Variants in ITGB1BP2 observed in about 807,000 individuals in gnomAD.
The protein encoded by ITGB1BP2 is integrin beta-1-binding protein 2.
ITGB1BP2 carries 27 observed loss-of-function variants against 32.2 expected under a neutral mutation model. The ratio of observed to expected loss-of-function variants is 0.84; its 90% CI spans 0.62 to 1.16. ITGB1BP2 has a LOEUF of 1.16. ITGB1BP2 is among the 50% of genes most tolerant of loss of function. ITGB1BP2 has a pLI of 0.00. For missense variants in ITGB1BP2, 250 were observed against 267.3 expected, an observed-to-expected ratio of 0.94 and a Z score of 0.45; for synonymous variants, 105 against 94.7, an observed-to-expected ratio of 1.11 and a Z score of -0.63.
chrX:71,303,120 T>G, intron 4 of ITGB1BP2, 142 bp from the exon 5 acceptor site: 2 of 489,929 alleles, frequency 4.1e-6, no homozygotes, highest in Non-Finnish European at 6.9e-6. Flanking sequence ...AGATGAAAAT[T>G]GGCAATGGGG....
Position 71,302,277 on chromosome X carries a change from G to A in ITGB1BP2, c.115G>A (p.Gly39Ser). ...GCTGATCTGGGTCTCTTGTTATCAGGGTTGGTCCTGCTGCCGAAAGCGAAC... is the reference window on the plus strand; with the variant it reads ...GCTGATCTGGGTCTCTTGTTATCAGAGTTGGTCCTGCTGCCGAAAGCGAAC... ...GVPIFHDALKGWSCCRKRTVD... is the reference protein window; with the variant it reads ...GVPIFHDALKSWSCCRKRTVD... The change falls in exon 3 of 11, where the codon GGT (glycine) becomes AGT (serine). Residue 39 changes from glycine to serine, a missense_variant and splice_region_variant. By Grantham distance (56) the Gly-to-Ser change is moderately conservative. Coordinates refer to ENST00000373829, the MANE Select transcript of ITGB1BP2 (RefSeq NM_012278.4). 2 of 1,211,009 alleles carry A rather than the reference G, an allele frequency of 1.7e-6. No individual in the cohort carries two copies. Among genetic ancestry groups the A allele is most frequent in the Non-Finnish European group, 2.2e-6 (2 of 895,289 alleles).
chrX:71,302,509 G>C lies in ITGB1BP2; in HGVS notation c.270G>C (p.Leu90=). 2 of 1,210,819 alleles carry C rather than the reference G, an allele frequency of 1.7e-6. No homozygotes were observed. Among genetic ancestry groups the C allele is most frequent in the Non-Finnish European group, 2.2e-6 (2 of 895,070 alleles). Residue 90 remains leucine (L), a synonymous_variant, in exon 4 of 11, where the codon CTG becomes CTC. Transcript: ENST00000373829. ...TSSSLQEQKP[L]NVIPKSAETL... ...GTTCACTTCAGGAGCAAAAACCTCT[G>C]AATGTGATTCCAAAGTCAGCAGAGA...
intron 8 of ITGB1BP2, 64 bp downstream of exon 8, chrX:71,303,975 C>A (rs1222955413): frequency 3.2e-6 from 3 of 935,670 alleles, no homozygotes; most frequent in Non-Finnish European, 3.0e-6. Flanking sequence ...TCTCCTCCCT[C>A]TCTGTACCAC....
Position 71,302,202 on chromosome X carries a change from G to C in ITGB1BP2, c.114+16G>C. The C allele has an allele frequency of 8.3e-7, 1 of 1,210,491 alleles. No individual in the cohort carries two copies. The highest frequency in any genetic ancestry group is 1.1e-6 in the Non-Finnish European group (1 of 894,644). On this transcript the variant is annotated intron_variant, in intron 2 of 10. Transcript: ENST00000373829. The stretch of plus-strand genomic sequence containing the variant: ...TGCACTTAAGGTGAGGAGTAGGTGA[G>C]GGGGGTTAGCAAGAGCATTTCCCAG...
At chrX:71,304,463 C>A in intron 9 of ITGB1BP2, 79 bp from the exon 10 acceptor site, 1 of 1,031,268 alleles carries the variant, frequency 9.7e-7, no homozygotes, top group Non-Finnish European at 1.3e-6. Flanking sequence ...TGGATCATAC[C>A]TCTGACCTGG....
At chrX:71,303,736 C>T in intron 7 of ITGB1BP2, 39 bp downstream of exon 7, 1 of 1,182,351 alleles carries the variant, frequency 8.5e-7, no homozygotes, top group Middle Eastern at 2.3e-4. Flanking sequence ...GGCTATGAGA[C>T]AGGTTTCTCC....
chrX:71,303,283 G>A lies in ITGB1BP2; in HGVS notation c.339G>A (p.Leu113=). Residue 113 remains leucine (L), a synonymous_variant, in exon 5 of 11, where the codon CTG becomes CTA. Transcript: ENST00000373829. The part of the protein sequence containing the change: ...ERPKSELPLK[L]LPLNISQALE... Reference sequence around the variant, plus strand: ...CTAGGTCAGAGTTGCCTCTGAAGCTGCTGCCGCTAAATATATCCCAAGCCC... The same window carrying A: ...CTAGGTCAGAGTTGCCTCTGAAGCTACTGCCGCTAAATATATCCCAAGCCC... 8.3e-7 allele frequency: 1 copy of A among 1,211,382 alleles called. No homozygotes were observed. Among genetic ancestry groups the A allele is most frequent in the Non-Finnish European group, 1.1e-6 (1 of 895,269 alleles).
At position 71,302,275 on chromosome X, in the gene ITGB1BP2, A is replaced by C; in HGVS notation, c.115-2A>C. ...AAGCTGATCTGGGTCTCTTGTTATCAGGGTTGGTCCTGCTGCCGAAAGCGA... is the reference window on the plus strand; with the variant it reads ...AAGCTGATCTGGGTCTCTTGTTATCCGGGTTGGTCCTGCTGCCGAAAGCGA... On this transcript the variant is annotated splice_acceptor_variant, in intron 2 of 10. Transcript: ENST00000373829. LOFTEE classifies it high-confidence loss of function. The C allele has an allele frequency of 8.3e-7, 1 of 1,211,467 alleles. No homozygotes were observed.
At chrX:71,304,904 A>G in intron 10 of ITGB1BP2, 61 bp from the exon 11 acceptor site, 1 of 962,103 alleles carries the variant, frequency 1.0e-6, no homozygotes, top group Non-Finnish European at 1.5e-6. Context: ...CTCCACCCTG[A>G]CCCCAATGCC....
Position 71,305,270 on chromosome X carries a change from T to G in ITGB1BP2, c.*78T>G. 1 of 904,526 alleles carries G rather than the reference T, an allele frequency of 1.1e-6. No homozygotes were observed. 74.5% of individuals were successfully genotyped at this position (904,526 alleles called of 1,213,427 possible). A position where few individuals can be genotyped will look rare whatever the true frequency, so the allele number is the denominator to read the frequency against. ...TTAGATACCAGGATATTGTTGGCCA[T>G]GTGGCATCATTGAGCAGCAGGAGGC... On this transcript the variant is annotated 3_prime_UTR_variant, in exon 11 of 11. Coordinates refer to ENST00000373829, the MANE Select transcript of ITGB1BP2 (RefSeq NM_012278.4).
rs2031680756 is a variant in ITGB1BP2 at position 71,305,350 on chromosome X, A to G, written c.*158A>G. On this transcript the variant is annotated 3_prime_UTR_variant, in exon 11 of 11. Transcript: ENST00000373829. ...CCATGCTGTTTTTTTCCCTTAAATA[A>G]ATCTTGTATTCTTCAGTTTCACATA... 2.2e-6 allele frequency: 1 copy of G among 452,027 alleles called. No homozygotes were observed. Among genetic ancestry groups the G allele is most frequent in the African/African-American group, 2.4e-5 (1 of 40,859 alleles). 37.3% of individuals were successfully genotyped at this position (452,027 alleles called of 1,213,427 possible). A position where few individuals can be genotyped will look rare whatever the true frequency, so the allele number is the denominator to read the frequency against.
intron 10 of ITGB1BP2, 151 bp from the exon 11 acceptor site, chrX:71,304,814 C>T: frequency 2.1e-6 from 1 of 486,291 alleles, no homozygotes; most frequent in Non-Finnish European, 3.5e-6. Context: ...CATTTCTTTC[C>T]TCTCTCTCCC....
intron 4 of ITGB1BP2, 140 bp downstream of exon 4, chrX:71,302,696 G>A: frequency 1.5e-6 from 1 of 656,665 alleles, no homozygotes; most frequent in Non-Finnish European, 2.2e-6. Context: ...TGTATATCCT[G>A]TGCCTTAGGG....
In ITGB1BP2 at chrX:71,303,534, G is replaced by A; in HGVS notation, c.468+18G>A. On this transcript the variant is annotated intron_variant, in intron 6 of 10. Transcript: ENST00000373829. ...GTGATGCTGTGAGTGAGAGTTTTGAGGGGCTCAAGCATATGGCTGAGGGAT... is the reference window on the plus strand; with the variant it reads ...GTGATGCTGTGAGTGAGAGTTTTGAAGGGCTCAAGCATATGGCTGAGGGAT... 1 of 1,210,916 alleles carries A rather than the reference G, an allele frequency of 8.3e-7. No homozygotes were observed. Among genetic ancestry groups the A allele is most frequent in the South Asian group, 1.8e-5 (1 of 56,984 alleles).
Position 71,303,448 on chromosome X carries a change from T to G in ITGB1BP2, c.413-13T>G, listed in dbSNP as rs770055226. The G allele has an allele frequency of 8.3e-7, 1 of 1,211,468 alleles. No homozygotes were observed. Among genetic ancestry groups the G allele is most frequent in the Non-Finnish European group, 1.1e-6 (1 of 895,356 alleles). ...GGGATGGATAAGTTCCTGACTCTGT[T>G]TCCCTTGCCCAGGACTTGACAGTCT... On this transcript the variant is annotated splice_polypyrimidine_tract_variant and intron_variant, in intron 5 of 10. Coordinates refer to ENST00000373829, the MANE Select transcript of ITGB1BP2 (RefSeq NM_012278.4).
At position 71,305,185 on chromosome X, in the gene ITGB1BP2, G is replaced by A. The variant is rs761991739; in HGVS notation, c.1037G>A (p.Gly346Glu). 6 of 1,191,877 alleles carry A rather than the reference G, an allele frequency of 5.0e-6. No individual in the cohort carries two copies. In the African/African-American group the frequency reaches 8.8e-5, roughly 17 times the overall value. The change falls in exon 11 of 11, where the codon GGG becomes GAG. Residue 346 changes from glycine to glutamate, a missense_variant. Transcript: ENST00000373829. ...TEEEEEEEAM[G>E]E ...GAGGAGGAAGAGGAGGAAGCAATGG[G>A]GGAATAGTGACACCAGACAGTTGAT...
At chrX:71,303,156 C>A in intron 4 of ITGB1BP2, 106 bp from the exon 5 acceptor site, 1 of 722,266 alleles carries the variant, frequency 1.4e-6, no homozygotes, top group Non-Finnish European at 2.0e-6. Flanking sequence ...TCCAACTCTG[C>A]CTCACTTTCA....
At chrX:71,303,114 G>A (rs2031642301) in intron 4 of ITGB1BP2, 148 bp from the exon 5 acceptor site, 2 of 481,299 alleles carry the variant, frequency 4.2e-6, no homozygotes, top group Admixed American at 4.0e-5. Flanking sequence ...CCACAGAGAT[G>A]AAAATTGGCA....
In ITGB1BP2 at chrX:71,302,564, G is replaced by A. The variant is rs1386139362; in HGVS notation, c.317+8G>A. ...GCGCCGGGAGAGGCCCAAGTAAAGAGGAGGAGGCCCCTGGACTTTTCTTAT... is the reference window on the plus strand; with the variant it reads ...GCGCCGGGAGAGGCCCAAGTAAAGAAGAGGAGGCCCCTGGACTTTTCTTAT... On this transcript the variant is annotated splice_region_variant and intron_variant, in intron 4 of 10. Transcript: ENST00000373829. 3.3e-6 allele frequency: 4 copies of A among 1,199,123 alleles called. No individual in the cohort carries two copies. The South Asian group carries it at 7.2e-5, about 22-fold the overall frequency.
Sources: gnomAD v4.1 joint callset for allele counts on GRCh38, gnomAD v4.1.1 for gene constraint, MANE v1.5 for transcripts, NCBI Gene and HGNC (gene_info 2026-07-23, HGNC 2026-07-21) for gene names.